Variants in NKAIN3 observed in about 807,000 individuals in gnomAD.
NKAIN3 encodes the protein sodium/potassium transporting ATPase interacting 3, also known as sodium/potassium-transporting ATPase subunit beta-1-interacting protein 3.
Under a neutral mutation model 30.2 loss-of-function variants are expected in NKAIN3, and 25 were observed. The observed-to-expected ratio is 0.83, with a 90% CI of 0.60 to 1.16. The LOEUF (loss-of-function observed/expected upper bound fraction) is 1.16, where lower values mean the gene tolerates loss of function less well. NKAIN3 is among the 50% of genes most tolerant of loss of function. The pLI is 0.00. For missense variants in NKAIN3, 225 were observed against 254.1 expected (o/e 0.89, Z 0.78); for synonymous variants, 91 against 89.6 (o/e 1.02, Z -0.09).
intron 1 of NKAIN3, among the ~76,000 whole-genome samples, chr8:62,360,065 C>G (rs1475050768): frequency 6.6e-6 from 1 of 152,170 alleles, no homozygotes; most frequent in Admixed American, 6.5e-5. Context: ...TCTCCAAATG[C>G]TCTTGTCTTG....
chr8:62,411,955 TA>T (rs1804251801), intron 1 of NKAIN3, among the ~76,000 whole-genome samples: 1 of 152,054 alleles, frequency 6.6e-6, no homozygotes, highest in Admixed American at 6.6e-5. Flanking sequence ...TTAAAAGAAT[TA>T]ATATAGTTAA....
intron 3 of NKAIN3, among the ~76,000 whole-genome samples, chr8:62,656,038 C>T (rs959527165): frequency 1.3e-5 from 2 of 151,958 alleles, no homozygotes; most frequent in Non-Finnish European, 2.9e-5. Flanking sequence ...CCTTATCCCC[C>T]ACAAAGACCA....
At chr8:62,852,664 C>T (rs974286895) in intron 4 of NKAIN3, among the ~76,000 whole-genome samples, 20 of 152,156 alleles carry the variant, frequency 1.3e-4, no homozygotes, top group African/African-American at 4.3e-4. Context: ...TCTTTGTTCT[C>T]GTTGGTTTCA....
chr8:62,548,998 T>C (rs1809107674), intron 1 of NKAIN3, among the ~76,000 whole-genome samples: 1 of 152,180 alleles, frequency 6.6e-6, no homozygotes, highest in African/African-American at 2.4e-5. Context: ...CTTGCTTCCC[T>C]CCACATGCTT....
At chr8:62,886,902 T>C (rs1439322580) in intron 4 of NKAIN3, among the ~76,000 whole-genome samples, 1 of 150,248 alleles carries the variant, frequency 6.7e-6, no homozygotes, top group East Asian at 2.0e-4. Context: ...CACTTAGGAG[T>C]GAGAACATGC....
intron 3 of NKAIN3, among the ~76,000 whole-genome samples, chr8:62,731,243 A>G (rs1311560888): frequency 2.5e-4 from 37 of 145,636 alleles, no homozygotes; most frequent in Non-Finnish European, 4.6e-5. Flanking sequence ...GGACACACAC[A>G]CACACACACA....
intron 4 of NKAIN3, among the ~76,000 whole-genome samples, chr8:62,850,041 A>C (rs1293577119): frequency 1.3e-5 from 2 of 152,044 alleles, no homozygotes; most frequent in South Asian, 2.1e-4. Flanking sequence ...CTGACTTCCA[A>C]AATGGTTGAA....
At chr8:62,757,621 C>T (rs759427965) in intron 4 of NKAIN3, among the ~76,000 whole-genome samples, 15 of 152,112 alleles carry the variant, frequency 9.9e-5, no homozygotes, top group Non-Finnish European at 2.2e-4. Flanking sequence ...AAGTAGTGTT[C>T]AGAAAAGTTG....
chr8:62,276,725 C>T (rs1346887189), intron 1 of NKAIN3, among the ~76,000 whole-genome samples: 1 of 152,016 alleles, frequency 6.6e-6, no homozygotes, highest in Non-Finnish European at 1.5e-5. Context: ...AACGTAAAGG[C>T]CAGGAATTTG....
chr8:62,510,461 C>T (rs1412046039), intron 1 of NKAIN3, among the ~76,000 whole-genome samples: 1 of 152,088 alleles, frequency 6.6e-6, no homozygotes, highest in Non-Finnish European at 1.5e-5. Flanking sequence ...CTTACCATGA[C>T]AACTCACGGC....
intron 1 of NKAIN3, among the ~76,000 whole-genome samples, chr8:62,345,438 TATATATACACACATATGTATATATACAC>T (rs1815928369): frequency 7.4e-6 from 1 of 135,848 alleles, no homozygotes; most frequent in Non-Finnish European, 1.5e-5. Flanking sequence ...CACATATATG[TATATATACACACATATGTATATATACAC>T]ATATATACAC....
intron 3 of NKAIN3, among the ~76,000 whole-genome samples, chr8:62,656,487 GA>G (rs1812768518): frequency 6.6e-6 from 1 of 151,616 alleles, no homozygotes; most frequent in Non-Finnish European, 1.5e-5. Flanking sequence ...AAGAAAGAAA[GA>G]AAGAAAGAAA....
intron 2 of NKAIN3, among the ~76,000 whole-genome samples, chr8:62,588,731 A>G (rs1262692393): frequency 2.0e-5 from 3 of 151,932 alleles, no homozygotes; most frequent in Non-Finnish European, 1.5e-5. Context: ...GATAGAAAAC[A>G]ATAATTAAAT....
Position 62,793,002 on chromosome 8 carries a change from G to T in NKAIN3, c.471+45873G>T, listed in dbSNP as rs192722918. 2.7e-3 allele frequency among the ~76,000 whole-genome samples: 415 copies of T among 152,172 alleles called. 3 individuals are homozygous for T. Among genetic ancestry groups the T allele is most frequent in the African/African-American group, 9.6e-3 (400 of 41,526 alleles). On this transcript the variant is annotated intron_variant, in intron 4 of 6. Transcript: ENST00000623646. ...GGTGCAGTGTTGGGTTGAACCATAA[G>T]AGATAATCCTTTATGTTGGTCAAAA...
At chr8:62,455,461 A>G (rs1805785249) in intron 1 of NKAIN3, among the ~76,000 whole-genome samples, 1 of 152,168 alleles carries the variant, frequency 6.6e-6, no homozygotes, top group Non-Finnish European at 1.5e-5. Context: ...AGTGGGAGCT[A>G]AAACTGTGTA....
intron 4 of NKAIN3, among the ~76,000 whole-genome samples, chr8:62,781,294 T>C (rs1349156755): frequency 6.6e-6 from 1 of 151,590 alleles, no homozygotes; most frequent in South Asian, 2.1e-4. Flanking sequence ...CACAAAAAAA[T>C]GGAAGGACAT....
At chr8:62,634,114 T>C (rs1001185645) in intron 3 of NKAIN3, among the ~76,000 whole-genome samples, 4 of 151,966 alleles carry the variant, frequency 2.6e-5, no homozygotes, top group South Asian at 2.1e-4. Context: ...TGAATAAACA[T>C]AGAAATTGAC....
intron 2 of NKAIN3, among the ~76,000 whole-genome samples, chr8:62,589,275 C>T (rs1012680003): frequency 1.3e-5 from 2 of 151,760 alleles, no homozygotes; most frequent in East Asian, 1.9e-4. Flanking sequence ...TTGTACTCCA[C>T]GCATGTTTTC....
intron 4 of NKAIN3, among the ~76,000 whole-genome samples, chr8:62,868,115 T>A (rs1820481857): frequency 6.6e-6 from 1 of 152,146 alleles, no homozygotes; most frequent in Non-Finnish European, 1.5e-5. Flanking sequence ...TTGAAAAACA[T>A]CTTTAAAGGA....
Sources: gnomAD v4.1 joint callset for allele counts (sites outside exome capture counted in the v4.1 genomes callset) on GRCh38, gnomAD v4.1.1 for gene constraint, MANE v1.5 for transcripts, NCBI Gene and HGNC (gene_info 2026-07-23, HGNC 2026-07-21) for gene names.